Variants in FRMD4B observed in about 807,000 individuals in gnomAD.
FRMD4B encodes FERM domain containing 4B.
FRMD4B carries 74 observed loss-of-function variants against 141.5 expected under a neutral mutation model. The ratio of observed to expected loss-of-function variants is 0.52; its 90% CI spans 0.43 to 0.63. The LOEUF (loss-of-function observed/expected upper bound fraction) is 0.63, where lower values mean the gene tolerates loss of function less well. Among genes scored for constraint, FRMD4B ranks in the 30% least tolerant of loss-of-function variants. The pLI is 0.00. For synonymous variants in FRMD4B, 506 were observed against 467.9 expected, an observed-to-expected ratio of 1.08 and a Z score of -1.05; for missense variants, 1,366 against 1,253.4, an observed-to-expected ratio of 1.09 and a Z score of -1.36.
intron 5 of FRMD4B, among the ~76,000 whole-genome samples, chr3:69,273,848 A>G (rs2093606042): frequency 6.6e-6 from 1 of 152,112 alleles, no homozygotes; most frequent in South Asian, 2.1e-4. Flanking sequence ...AAGAATTAGA[A>G]GAAGTATTTA....
At chr3:69,392,675 T>G (rs1704404915) in intron 2 of FRMD4B, among the ~76,000 whole-genome samples, 1 of 151,918 alleles carries the variant, frequency 6.6e-6, no homozygotes. Context: ...CAGAATGGGG[T>G]AAGAGGTTGG....
chr3:69,304,415 C>T (rs112848103), intron 3 of FRMD4B, among the ~76,000 whole-genome samples: 2 of 138,524 alleles, frequency 1.4e-5, no homozygotes, highest in South Asian at 2.5e-4. Flanking sequence ...AGCCAGAAGG[C>T]GGAGGTTGCA....
At position 69,391,497 on chromosome 3, in the gene FRMD4B, T is replaced by C. The variant is rs568805707; in HGVS notation, c.-1+41137A>G. Among the ~76,000 whole-genome samples, 3 of 148,792 alleles carry C rather than the reference T, an allele frequency of 2.0e-5. No homozygotes were observed. The South Asian group carries it at 6.5e-4, about 32-fold the overall frequency. On this transcript the variant is annotated intron_variant, in intron 2 of 5. Coordinates refer to the FRMD4B transcript ENST00000459638. ...CCCACCTATGAGTGAGAACCTGCGC[T>C]GTTTGGTTTTCTGTCCTTGCGATAG...
chr3:69,444,511 T>C (rs1276579903), intron 1 of FRMD4B, among the ~76,000 whole-genome samples: 1 of 152,330 alleles, frequency 6.6e-6, no homozygotes, highest in Middle Eastern at 3.4e-3. Flanking sequence ...CACATAGTTA[T>C]AAAAGTGCAT....
chr3:69,217,113 C>T (rs1419123254), intron 10 of FRMD4B, among the ~76,000 whole-genome samples: 1 of 151,994 alleles, frequency 6.6e-6, no homozygotes, highest in Non-Finnish European at 1.5e-5. Flanking sequence ...TAACAATGAA[C>T]ACGGGAATAT....
At chr3:69,221,953 A>G (rs770273056) in intron 8 of FRMD4B, 30 bp from the exon 9 acceptor site, 1 of 1,143,728 alleles carries the variant, frequency 8.7e-7, no homozygotes, top group South Asian at 1.3e-5. Flanking sequence ...GAAGGATTGC[A>G]ATGCATGATT....
chr3:69,227,041 T>G (rs904878505), intron 7 of FRMD4B, among the ~76,000 whole-genome samples: 1 of 152,202 alleles, frequency 6.6e-6, no homozygotes, highest in African/African-American at 2.4e-5. Context: ...GTGTTTCAAC[T>G]GGAGAAAAAT....
rs200704326 is a variant in FRMD4B at position 69,195,086 on chromosome 3, G to A, written c.1424C>T (p.Pro475Leu). The A allele has an allele frequency of 6.4e-5, 103 of 1,613,770 alleles. No homozygotes were observed. Among genetic ancestry groups the A allele is most frequent in the African/African-American group, 3.6e-4 (27 of 75,040 alleles). ...EYPLNIGEKP[P>L]QVRRRVGTAF... ...AGTACCCACACGTCTTCTGACCTGA[G>A]GAGGCTTCTCGCCTATGTTCAGGGG... is the stretch of plus-strand genomic sequence containing the variant. The change falls in exon 16 of 23, where the codon CCT becomes CTT. Residue 475 changes from proline to leucine, a missense_variant. Physicochemically the swap from Pro to Leu is moderately conservative, Grantham distance 98. Transcript: ENST00000398540.
chr3:69,392,746 C>T (rs1176574164), intron 2 of FRMD4B, among the ~76,000 whole-genome samples: 2 of 152,106 alleles, frequency 1.3e-5, no homozygotes, highest in African/African-American at 4.8e-5. Context: ...GGCTCCCCAA[C>T]TATGCAGTGG....
chr3:69,519,602 C>T (rs1337731959), intron 1 of FRMD4B, among the ~76,000 whole-genome samples: 2 of 152,074 alleles, frequency 1.3e-5, no homozygotes, highest in Non-Finnish European at 2.9e-5. Flanking sequence ...GTTAGCTTCC[C>T]TAATGTTTCT....
At position 69,497,989 on chromosome 3, in the gene FRMD4B, G is replaced by C. The variant is rs117803748; in HGVS notation, c.-129+44217C>G. On this transcript the variant is annotated intron_variant, in intron 1 of 5. Coordinates refer to the FRMD4B transcript ENST00000459638. ...CATTCCCTAAGAAATAGCATTCTGG[G>C]GAGGCTGTTAAGACATTACTTTTTA... is the stretch of plus-strand genomic sequence containing the variant. 2.6e-4 allele frequency among the ~76,000 whole-genome samples: 39 copies of C among 152,312 alleles called. 1 individual carries two copies. The East Asian group carries it at 7.3e-3, about 29-fold the overall frequency.
intron 1 of FRMD4B, among the ~76,000 whole-genome samples, chr3:69,378,807 A>T (rs1704040022): frequency 7.2e-6 from 1 of 139,110 alleles, no homozygotes; most frequent in African/African-American, 2.9e-5. Flanking sequence ...CATCAAGGTT[A>T]AAAAAAAAAA....
At chr3:69,469,587 T>C (rs932264142) in intron 1 of FRMD4B, among the ~76,000 whole-genome samples, 2 of 152,186 alleles carry the variant, frequency 1.3e-5, no homozygotes, top group African/African-American at 4.8e-5. Context: ...TTTCCTCAGT[T>C]AAACTGCATG....
intron 1 of FRMD4B, among the ~76,000 whole-genome samples, chr3:69,464,400 C>A (rs1239254501): frequency 6.6e-6 from 1 of 152,150 alleles, no homozygotes; most frequent in East Asian, 1.9e-4. Context: ...TACCCATAGA[C>A]TGTCTGCAGG....
chr3:69,422,007 C>A (rs985781015), intron 2 of FRMD4B, among the ~76,000 whole-genome samples: 2 of 152,222 alleles, frequency 1.3e-5, no homozygotes, highest in Non-Finnish European at 2.9e-5. Context: ...TTGGTTTCTG[C>A]AGATCTGTTA....
chr3:69,432,935 G>A (rs1343690369), intron 1 of FRMD4B: 1 of 152,158 alleles, frequency 6.6e-6, no homozygotes, highest in Admixed American at 6.5e-5. Flanking sequence ...GAGTTCTCTC[G>A]AAATACAGAT....
At chr3:69,388,911 A>G (rs1174548087), upstream of FRMD4B, among the ~76,000 whole-genome samples, 1 of 152,184 alleles carries the variant, frequency 6.6e-6, no homozygotes, top group Non-Finnish European at 1.5e-5. Context: ...ATTGTGGCGA[A>G]GTCTGGGCTT....
chr3:69,302,358 A>C lies in FRMD4B; in HGVS notation c.401T>G (p.Leu134Trp). The change falls in exon 4 of 23, where the codon TTG (leucine) becomes TGG (tryptophan). Residue 134 changes from leucine (L) to tryptophan (W), a missense_variant. Leu to Trp is a moderately conservative substitution (Grantham distance 61). Coordinates refer to ENST00000398540, the MANE Select transcript of FRMD4B (RefSeq NM_015123.3). Reference sequence around the variant, plus strand: ...GGATACATACCTCACAGCAAAGTGCAAAATGGTTGGGCCTGGTTTCTTGGG... The same window carrying C: ...GGATACATACCTCACAGCAAAGTGCCAAATGGTTGGGCCTGGTTTCTTGGG... ...DLPKKPGPTILHFAVRFYIES... is the reference protein window; with the variant it reads ...DLPKKPGPTIWHFAVRFYIES... 1 of 1,600,924 alleles carries C rather than the reference A, an allele frequency of 6.2e-7. No homozygotes were observed. Among genetic ancestry groups the C allele is most frequent in the Non-Finnish European group, 8.6e-7 (1 of 1,169,538 alleles).
chr3:69,288,354 C>T (rs1700763559), intron 4 of FRMD4B, among the ~76,000 whole-genome samples: 1 of 152,272 alleles, frequency 6.6e-6, no homozygotes, highest in Non-Finnish European at 1.5e-5. Context: ...TTCAATCACT[C>T]CTTTCTTCCT....
Sources: allele counts gnomAD v4.1 joint callset (sites outside exome capture counted in the v4.1 genomes callset), GRCh38; gene constraint gnomAD v4.1.1; transcripts MANE v1.5; gene names NCBI Gene and HGNC (gene_info 2026-07-23, HGNC 2026-07-21).